Variants in CENPE observed in about 807,000 individuals in gnomAD.
CENPE encodes the protein centromere protein E, also known as centromere-associated protein E.
A neutral mutation model predicts 336.1 loss-of-function variants in CENPE; 145 were observed. That is an observed-to-expected ratio of 0.43 (90% CI 0.38 to 0.50). The LOEUF (loss-of-function observed/expected upper bound fraction) is 0.50, where lower values mean the gene tolerates loss of function less well. CENPE is among the 20% of genes least tolerant of loss of function. The probability of loss-of-function intolerance (pLI) is 0.00; values close to 1 mark genes in which losing one functional copy is unlikely to be tolerated. For missense variants in CENPE, 2,719 were observed against 3,023.3 expected (o/e 0.90, Z 2.36); for synonymous variants, 1,013 against 984.8 (o/e 1.03, Z -0.54).
intron 8 of CENPE, among the ~76,000 whole-genome samples, chr4:103,189,250 T>C (rs557769251): frequency 3.3e-5 from 5 of 152,204 alleles, no homozygotes; most frequent in Non-Finnish European, 5.9e-5. Flanking sequence ...GAAACTATTC[T>C]AATCAATACA....
At chr4:103,148,453 T>C (rs1425147633) in intron 28 of CENPE, among the ~76,000 whole-genome samples, 3 of 152,228 alleles carry the variant, frequency 2.0e-5, no homozygotes, top group Non-Finnish European at 4.4e-5. Context: ...TTCTAGTTTA[T>C]AATGGGGGGA....
intron 15 of CENPE, 118 bp from the exon 16 acceptor site, chr4:103,175,021 T>A: frequency 6.5e-6 from 4 of 619,198 alleles, no homozygotes; most frequent in Non-Finnish European, 1.0e-5. Flanking sequence ...TTTCTAAAGT[T>A]CTACATTTTG....
At chr4:103,113,255 TAA>T (rs914059203) in intron 46 of CENPE, among the ~76,000 whole-genome samples, 7 of 141,810 alleles carry the variant, frequency 4.9e-5, no homozygotes, top group Non-Finnish European at 9.2e-5. Flanking sequence ...TAAGTATATA[TAA>T]GTGTATACAT....
rs777590862 is a variant in CENPE at position 103,139,852 on chromosome 4, T to C, written c.6141A>G (p.Ile2047Met). 1.1e-5 allele frequency: 18 copies of C among 1,612,862 alleles called. No individual in the cohort carries two copies. The African/African-American group carries it at 1.5e-4, about 13-fold the overall frequency. Residue 2047 changes from isoleucine to methionine, a missense_variant, in exon 38 of 49, where the codon ATA (isoleucine) becomes ATG (methionine). Ile to Met is a conservative substitution (Grantham distance 10). Coordinates refer to ENST00000265148, the MANE Select transcript of CENPE (RefSeq NM_001813.3). ...CCCTTTCCATTTTGAGAGATTCTTT[T>C]ATCCTCCTTAGCTCATCTCTTTCTT... is the stretch of plus-strand genomic sequence containing the variant. ...VAKERDELRRIKESLKMERDQ... is the reference protein window; with the variant it reads ...VAKERDELRRMKESLKMERDQ...
chr4:103,120,443 G>A (rs1418738088), intron 43 of CENPE, 110 bp from the exon 44 acceptor site: 3 of 860,504 alleles, frequency 3.5e-6, no homozygotes, highest in Admixed American at 6.5e-5. Flanking sequence ...TTCACAGATT[G>A]TATTAACAAT....
chr4:103,176,976 T>C lies in CENPE; in HGVS notation c.1313A>G (p.Asp438Gly). The change falls in exon 14 of 49, where the codon GAT becomes GGT. Residue 438 changes from aspartate (D) to glycine (G), a missense_variant. Asp to Gly is a moderately conservative substitution (Grantham distance 94, BLOSUM62 -1). Transcript: ENST00000265148. ...INKMKNSNYADQFNIPTNITT... is the reference protein window; with the variant it reads ...INKMKNSNYAGQFNIPTNITT... ...TATATTTGTTGGTATATTAAATTGA[T>C]CTGCATAGTTTGAGTTCTTCATTTT... The C allele has an allele frequency of 6.2e-7, 1 of 1,606,926 alleles. No homozygotes were observed. Among genetic ancestry groups the C allele is most frequent in the East Asian group, 2.2e-5 (1 of 44,718 alleles).
intron 29 of CENPE, among the ~76,000 whole-genome samples, chr4:103,146,811 G>T (rs939813960): frequency 6.6e-6 from 1 of 152,208 alleles, no homozygotes; most frequent in South Asian, 2.1e-4. Flanking sequence ...GACCAGTTAG[G>T]AGACTACTGC....
rs2125966796 is a variant in CENPE at position 103,158,456 on chromosome 4, A to G, written c.2877T>C (p.Asn959=). 6.5e-7 allele frequency: 1 copy of G among 1,548,292 alleles called. No individual in the cohort carries two copies. Among genetic ancestry groups the G allele is most frequent in the Non-Finnish European group, 8.7e-7 (1 of 1,151,162 alleles). The part of the protein sequence containing the change: ...KSDIHDTVNM[N]IDTQEQLRNA... ...TTCGTAATTGTTCTTGAGTATCTAT[A>G]TTCTTTGTTAGAAAAATATAAAAAC... The change falls in exon 24 of 49, where the codon AAT becomes AAC. Residue 959 remains asparagine (N), a splice_region_variant and synonymous_variant. Transcript: ENST00000265148.
In CENPE at chr4:103,145,230, G is replaced by GTA. The variant is rs761487334; in HGVS notation, c.4676_4677insTA (p.Lys1560ThrfsTer9). 1 of 1,613,512 alleles carries GTA rather than the reference G, an allele frequency of 6.2e-7. No individual in the cohort carries two copies. The highest frequency in any genetic ancestry group is 1.7e-5 in the Admixed American group (1 of 59,970). ...CTATACTTTGTAGTGCTGAATCCTT[G>GTA]GCTTTGCGATGCTCCTTGAATTGTT... On this transcript the variant is annotated frameshift_variant, in exon 32 of 49. Coordinates refer to ENST00000265148, the MANE Select transcript of CENPE (RefSeq NM_001813.3). LOFTEE classifies it high-confidence loss of function.
intron 8 of CENPE, among the ~76,000 whole-genome samples, chr4:103,192,011 A>T (rs1757397759): frequency 6.6e-6 from 1 of 152,052 alleles, no homozygotes; most frequent in African/African-American, 2.4e-5. Flanking sequence ...GTGGCAGAGG[A>T]GACTGCTTGT....
intron 48 of CENPE, among the ~76,000 whole-genome samples, chr4:103,107,405 G>A (rs1205203763): frequency 2.0e-5 from 3 of 152,138 alleles, no homozygotes; most frequent in Non-Finnish European, 4.4e-5. Flanking sequence ...CAAAGTAGAG[G>A]TTTATAAACT....
chr4:103,158,325 T>C lies in CENPE; in HGVS notation c.3008A>G (p.Glu1003Gly). ...CTTTTGCTGAAATTCATCTTTAGTT[T>C]CTCCTGTATTTTCCTCCATATGCAA... ...RNLHMEENTG[E>G]TKDEFQQKMV... Residue 1003 changes from glutamate to glycine, a missense_variant, in exon 24 of 49, where the codon GAA becomes GGA. Coordinates refer to ENST00000265148, the MANE Select transcript of CENPE (RefSeq NM_001813.3). The C allele has an allele frequency of 6.2e-7, 1 of 1,605,962 alleles. No homozygotes were observed. The highest frequency in any genetic ancestry group is 8.5e-7 in the Non-Finnish European group (1 of 1,177,206).
chr4:103,164,884 A>C (rs1178416658), intron 16 of CENPE, among the ~76,000 whole-genome samples: 1 of 152,172 alleles, frequency 6.6e-6, no homozygotes. Flanking sequence ...TGTGAAAGAA[A>C]ATCACATTTA....
intron 1 of CENPE, among the ~76,000 whole-genome samples, chr4:103,197,224 A>G (rs1757808546): frequency 6.6e-6 from 1 of 152,316 alleles, no homozygotes; most frequent in East Asian, 1.9e-4. Context: ...TTTCCTCTGA[A>G]TTCCTAGATA....
rs1344403117 is a variant in CENPE, at chr4:103,196,272, A to ACAG, written c.149-21_149-20insCTG. ...CACGATCTAAACAACAACAACAACA[A>ACAG]CAACAACACAGAAGTTAAATCAAAT... On this transcript the variant is annotated intron_variant, in intron 2 of 48. Coordinates refer to ENST00000265148, the MANE Select transcript of CENPE (RefSeq NM_001813.3). 1 of 1,552,982 alleles carries ACAG rather than the reference A, an allele frequency of 6.4e-7. No homozygotes were observed. The highest frequency in any genetic ancestry group is 1.4e-5 in the African/African-American group (1 of 73,640).
At chr4:103,155,771 C>T (rs1039864775) in intron 24 of CENPE, among the ~76,000 whole-genome samples, 15 of 151,928 alleles carry the variant, frequency 9.9e-5, no homozygotes, top group Non-Finnish European at 1.5e-4. Flanking sequence ...TATTTTGCCC[C>T]GGAGTAAATG....
intron 36 of CENPE, among the ~76,000 whole-genome samples, 192 bp downstream of exon 36, chr4:103,140,622 T>G (rs1487631501): frequency 6.6e-6 from 1 of 152,140 alleles, no homozygotes; most frequent in African/African-American, 2.4e-5. Flanking sequence ...TGGACATCTT[T>G]CTAAATCAAT....
intron 42 of CENPE, among the ~76,000 whole-genome samples, chr4:103,123,908 A>T (rs1329475344): frequency 5.3e-5 from 8 of 152,212 alleles, no homozygotes. Context: ...GGTCATTCAT[A>T]TTCCTTCATC....
At chr4:103,181,520 ATAT>A in intron 11 of CENPE, 64 bp from the exon 12 acceptor site, 2 of 1,352,774 alleles carry the variant, frequency 1.5e-6, no homozygotes, top group Non-Finnish European at 2.0e-6. Flanking sequence ...TTAATTAATA[ATAT>A]TTAGCTTTCT....
Sources: gnomAD v4.1 joint callset for allele counts (sites outside exome capture counted in the v4.1 genomes callset) on GRCh38, gnomAD v4.1.1 for gene constraint, MANE v1.5 for transcripts, NCBI Gene and HGNC (gene_info 2026-07-23, HGNC 2026-07-21) for gene names.